ZCCHC10: variants seen among roughly 807,000 people sequenced by gnomAD.
ZCCHC10 encodes zinc finger CCHC-type containing 10, also known as zinc finger CCHC domain-containing protein 10.
A neutral mutation model predicts 19.5 loss-of-function variants in ZCCHC10; 16 were observed. The ratio of observed to expected loss-of-function variants is 0.82; its 90% CI spans 0.56 to 1.25. The LOEUF (loss-of-function observed/expected upper bound fraction) is 1.25. Among genes scored for constraint, ZCCHC10 ranks in the 50% most tolerant of loss-of-function variants. The probability of loss-of-function intolerance (pLI) is 0.00; values close to 1 mark genes in which losing one functional copy is unlikely to be tolerated. For synonymous variants in ZCCHC10, 67 were observed against 72.5 expected (o/e 0.92, Z 0.38); for missense variants, 197 against 201.0 (o/e 0.98, Z 0.12).
At chr5:133,022,742 C>T (rs112173114) in intron 2 of ZCCHC10, 99 bp downstream of exon 2, 6,858 of 404,492 alleles carry the variant, frequency 0.017, 82 homozygotes, top group Middle Eastern at 0.041. Flanking sequence ...TGAGCCACCA[C>T]GCCCCGGCCT....
At chr5:133,006,577 G>A (rs1240850957) in intron 3 of ZCCHC10, among the ~76,000 whole-genome samples, 182 bp downstream of exon 3, 1 of 151,582 alleles carries the variant, frequency 6.6e-6, no homozygotes, top group Non-Finnish European at 1.5e-5. Context: ...GTAGATATCA[G>A]GTTTAAATAA....
In ZCCHC10 at chr5:133,002,246, C is replaced by T. The variant is rs1016710067; in HGVS notation, c.270-2073G>A. Among the ~76,000 whole-genome samples, 9 of 151,946 alleles carry T rather than the reference C, an allele frequency of 5.9e-5. No individual in the cohort carries two copies. The East Asian group carries it at 1.7e-3, about 29-fold the overall frequency. ...AAAATGCTGGGATTGCAGGTGTGAG[C>T]CAAGGTTCCTGGCCAGCAATCTTTT... On this transcript the variant is annotated intron_variant, in intron 3 of 4. Transcript: ENST00000509437.
intron 2 of ZCCHC10, among the ~76,000 whole-genome samples, chr5:133,021,271 C>T (rs1445878606): frequency 6.6e-6 from 1 of 152,122 alleles, no homozygotes. Context: ...CCTTGTGATC[C>T]GCCCACCTCA....
chr5:133,016,800 T>C lies in ZCCHC10; in HGVS notation c.107+6041A>G, dbSNP rs115515772. On this transcript the variant is annotated intron_variant, in intron 2 of 4. Coordinates refer to ENST00000509437, the MANE Select transcript of ZCCHC10 (RefSeq NM_001300816.3). ...GAAACCTGGCTCCCACTATCCTTAATAGATTACTTATTTGGTCAATTCCCC... is the reference window on the plus strand; with the variant it reads ...GAAACCTGGCTCCCACTATCCTTAACAGATTACTTATTTGGTCAATTCCCC... 6.9e-3 allele frequency among the ~76,000 whole-genome samples: 1,046 copies of C among 152,272 alleles called. 9 individuals carry two copies. Among genetic ancestry groups the C allele is most frequent in the African/African-American group, 0.024 (1,015 of 41,552 alleles).
intron 2 of ZCCHC10, among the ~76,000 whole-genome samples, chr5:133,014,944 A>C (rs1763820459): frequency 6.6e-6 from 1 of 152,250 alleles, no homozygotes; most frequent in Admixed American, 6.6e-5. Flanking sequence ...GGCAGGAATA[A>C]AACAGAAGTG....
In ZCCHC10 at chr5:133,017,163, C is replaced by T. The variant is rs77066603; in HGVS notation, c.107+5678G>A. ...CACCCTGCATTGGACTTCCCCACTA[C>T]TGGATGACCTCTGCAACCTGCTGAC... On this transcript the variant is annotated intron_variant, in intron 2 of 4. Coordinates refer to ENST00000509437, the MANE Select transcript of ZCCHC10 (RefSeq NM_001300816.3). Among the ~76,000 whole-genome samples, 1,336 of 152,244 alleles carry T rather than the reference C, an allele frequency of 8.8e-3. 15 individuals carry two copies. Among genetic ancestry groups the T allele is most frequent in the African/African-American group, 0.031 (1,292 of 41,556 alleles).
chr5:133,013,277 A>AAG (rs139788633), intron 2 of ZCCHC10, among the ~76,000 whole-genome samples: 10 of 148,686 alleles, frequency 6.7e-5, no homozygotes, highest in African/African-American at 2.5e-4. Context: ...AAAAAAAAAA[A>AAG]GGGACTAGGA....
chr5:132,999,571 A>C (rs1008822222), intron 4 of ZCCHC10, among the ~76,000 whole-genome samples: 1 of 152,150 alleles, frequency 6.6e-6, no homozygotes, highest in African/African-American at 2.4e-5. Context: ...AACACTTCCT[A>C]TTCTAAGCCA....
chr5:133,026,284 C>T (rs532672615), intron 1 of ZCCHC10, among the ~76,000 whole-genome samples: 3 of 152,242 alleles, frequency 2.0e-5, no homozygotes, highest in Non-Finnish European at 4.4e-5. Flanking sequence ...CCCGCTCTGT[C>T]CCGTGCCGCA....
At chr5:133,003,700 G>A (rs1290493641) in intron 3 of ZCCHC10, among the ~76,000 whole-genome samples, 1 of 151,702 alleles carries the variant, frequency 6.6e-6, no homozygotes, top group Non-Finnish European at 1.5e-5. Flanking sequence ...CAAACTTATT[G>A]GTAATGTGTA....
At chr5:133,009,977 A>G (rs573221454) in intron 2 of ZCCHC10, among the ~76,000 whole-genome samples, 43 of 152,272 alleles carry the variant, frequency 2.8e-4, no homozygotes, top group African/African-American at 1.0e-3. Context: ...AATCCTAATG[A>G]ATCTACAGAT....
intron 1 of ZCCHC10, among the ~76,000 whole-genome samples, chr5:133,024,480 G>C (rs1208971246): frequency 6.6e-6 from 1 of 152,232 alleles, no homozygotes; most frequent in Admixed American, 6.5e-5. Context: ...GCAAAGAATA[G>C]AGCCTATCCA....
intron 2 of ZCCHC10, among the ~76,000 whole-genome samples, chr5:133,022,532 C>T (rs1192147685): frequency 6.6e-6 from 1 of 151,758 alleles, no homozygotes; most frequent in African/African-American, 2.4e-5. Context: ...CGGCTCACTG[C>T]AACCTCCGTC....
intron 2 of ZCCHC10, among the ~76,000 whole-genome samples, chr5:133,022,616 C>CTAATTTTTG (rs1229085202): frequency 3.3e-5 from 5 of 152,070 alleles, no homozygotes; most frequent in Non-Finnish European, 5.9e-5. Context: ...CCACATCCAG[C>CTAATTTTTG]TAATTTTTGT....
chr5:133,002,183 G>A (rs1368936542), intron 3 of ZCCHC10, among the ~76,000 whole-genome samples: 1 of 151,392 alleles, frequency 6.6e-6, no homozygotes, highest in South Asian at 2.1e-4. Flanking sequence ...GGATGGTCTC[G>A]ATCTCCTGAT....
At chr5:133,006,677 C>A in intron 3 of ZCCHC10, 82 bp downstream of exon 3, 1 of 1,319,242 alleles carries the variant, frequency 7.6e-7, no homozygotes, top group Non-Finnish European at 1.0e-6. Flanking sequence ...ATCTGGAGAA[C>A]CACCATGAAA....
intron 2 of ZCCHC10, among the ~76,000 whole-genome samples, chr5:133,020,865 C>T (rs1462167501): frequency 4.6e-5 from 7 of 151,580 alleles, no homozygotes; most frequent in South Asian, 2.1e-4. Context: ...GGACTACAAG[C>T]GCCCGCCACC....
Position 132,997,590 on chromosome 5 carries a change from A to G in ZCCHC10, c.*993T>C, listed in dbSNP as rs1287126544. ...AGATTAATCCTAGTCATTCATATAT[A>G]TGCAGTAGACTGTCATATATGACCA... On this transcript the variant is annotated 3_prime_UTR_variant, in exon 5 of 5. Transcript: ENST00000509437. The G allele has an allele frequency of 6.6e-6, 1 of 152,178 alleles. No individual in the cohort carries two copies. The highest frequency in any genetic ancestry group is 1.5e-5 in the Non-Finnish European group (1 of 68,018). The allele number at this position is 152,178 out of a possible 1,614,324, so 9.4% of individuals were successfully genotyped here.
At chr5:133,002,813 GGGTT>G (rs762019095) in intron 3 of ZCCHC10, among the ~76,000 whole-genome samples, 1,983 of 152,038 alleles carry the variant, frequency 0.013, 20 homozygotes, top group Non-Finnish European at 0.021. Context: ...TCTGCCTCCT[GGGTT>G]CAAGCAATTT....
Sources: allele counts gnomAD v4.1 joint callset (sites outside exome capture counted in the v4.1 genomes callset), GRCh38; gene constraint gnomAD v4.1.1; transcripts MANE v1.5; gene names NCBI Gene and HGNC (gene_info 2026-07-23, HGNC 2026-07-21).